The following CYFIP1 variants were observed in gnomAD, a reference collection of about 807,000 sequenced individuals.
The protein encoded by CYFIP1 is cytoplasmic FMR1-interacting protein 1.
CYFIP1 carries 58 observed loss-of-function variants against 163.5 expected under a neutral mutation model. The observed-to-expected ratio is 0.35, with a 90% CI of 0.29 to 0.44. CYFIP1 has a LOEUF of 0.44. Ranked by LOEUF, CYFIP1 falls within the 20% of genes least tolerant of loss-of-function variation. CYFIP1 has a pLI of 1.00. For synonymous variants in CYFIP1, 663 were observed against 660.7 expected, an observed-to-expected ratio of 1.00 and a Z score of -0.05; for missense variants, 1,338 against 1,653.8, an observed-to-expected ratio of 0.81 and a Z score of 3.31.
At chr15:22,946,975 G>A (rs905809903) in intron 3 of CYFIP1, 28 bp downstream of exon 3, 5 of 1,596,924 alleles carry the variant, frequency 3.1e-6, no homozygotes, top group Non-Finnish European at 3.4e-6. Flanking sequence ...TCTCTGCAGA[G>A]AGAAACAAAG....
At chr15:22,881,139 C>G (rs1453883610) in intron 25 of CYFIP1, among the ~76,000 whole-genome samples, 1 of 152,142 alleles carries the variant, frequency 6.6e-6, no homozygotes, top group East Asian at 1.9e-4. Flanking sequence ...GCAAAAAGTC[C>G]TGAGCCACGT....
intron 11 of CYFIP1, among the ~76,000 whole-genome samples, chr15:22,928,542 C>T (rs1022991143): frequency 2.6e-5 from 4 of 152,172 alleles, no homozygotes; most frequent in South Asian, 2.1e-4. Flanking sequence ...CCACAGCCAC[C>T]GCCTGGGGGA....
At position 22,875,291 on chromosome 15, in the gene CYFIP1, G is replaced by GGT; in HGVS notation, c.3043-22_3043-21dup. 4.3e-6 allele frequency: 7 copies of GGT among 1,610,276 alleles called. No homozygotes were observed. Among genetic ancestry groups the GGT allele is most frequent in the Non-Finnish European group, 5.9e-6 (7 of 1,176,544 alleles). ...TAAAGACTAGAGCAGAGAAAGAGAGGGTCAAGCTAGGAAGGGTATCTCGCC... is the reference window on the plus strand; with the variant it reads ...TAAAGACTAGAGCAGAGAAAGAGAGGGTGTCAAGCTAGGAAGGGTATCTCGCC... On this transcript the variant is annotated intron_variant, in intron 26 of 30. Transcript: ENST00000617928.
Position 22,917,793 on chromosome 15 carries a change from T to A in CYFIP1, c.1669A>T (p.Thr557Ser). 6.2e-7 allele frequency: 1 copy of A among 1,606,528 alleles called. No individual in the cohort carries two copies. The highest frequency in any genetic ancestry group is 8.5e-7 in the Non-Finnish European group (1 of 1,176,544). The change falls in exon 15 of 31, where the codon ACT becomes TCT. Residue 557 changes from threonine to serine, a missense_variant. This residue lies in a region of CYFIP1 where 824 missense variants were observed against 995.7 expected (regional missense o/e 0.83). Coordinates refer to ENST00000617928, the MANE Select transcript of CYFIP1 (RefSeq NM_014608.6). The surrounding 1 kb of genome is among the most constrained non-coding windows in gnomAD (Gnocchi z 4.2). The part of the protein sequence containing the change: ...VPRRAVGPSS[T>S]QLYMVRTMLE... ...GGGGCTCAAGGGACGAGAACCTGAG[T>A]GCTGGAGGGTCCCACGGCGCGGCGT...
At chr15:22,909,819 T>G (rs1048525410) in intron 20 of CYFIP1, among the ~76,000 whole-genome samples, 2 of 152,200 alleles carry the variant, frequency 1.3e-5, no homozygotes, top group African/African-American at 4.8e-5. Flanking sequence ...AATGTGAATC[T>G]TTTTTTAAAA....
intron 16 of CYFIP1, 76 bp from the exon 17 acceptor site, chr15:22,914,958 G>A (rs1662146998): frequency 1.4e-6 from 2 of 1,459,778 alleles, no homozygotes; most frequent in East Asian, 4.7e-5. Flanking sequence ...CACAAGGGCT[G>A]TGTGCTGGGT....
chr15:22,905,910 G>T (rs11857676), intron 21 of CYFIP1, among the ~76,000 whole-genome samples: 4,425 of 149,136 alleles, frequency 0.03, 205 homozygotes, highest in African/African-American at 0.1. Context: ...ACAGGTGCCC[G>T]CCACCACACC....
intron 9 of CYFIP1, among the ~76,000 whole-genome samples, chr15:22,935,635 G>A (rs1439011277): frequency 6.6e-6 from 1 of 152,074 alleles, no homozygotes; most frequent in Non-Finnish European, 1.5e-5. Flanking sequence ...GCAGGAGGAG[G>A]AAGGGAATAT....
intron 21 of CYFIP1, 51 bp downstream of exon 21, chr15:22,909,143 T>G: frequency 6.3e-7 from 1 of 1,596,444 alleles, no homozygotes; most frequent in Non-Finnish European, 8.6e-7. Context: ...ATACAAGAAC[T>G]GGACCTACCC....
At chr15:22,979,814 C>G (rs938634688) in intron 1 of CYFIP1, among the ~76,000 whole-genome samples, 2 of 152,168 alleles carry the variant, frequency 1.3e-5, no homozygotes, top group African/African-American at 2.4e-5. Flanking sequence ...CACAGGGGCA[C>G]GAAACAAAAA....
rs188270742 is a variant in CYFIP1 at position 22,889,497 on chromosome 15, A to G, written c.2676+3393T>C. Among the ~76,000 whole-genome samples the G allele has an allele frequency of 2.0e-5, 3 of 152,350 alleles. No homozygotes were observed. The East Asian group carries it at 5.8e-4, about 29-fold the overall frequency. ...GCCTTTAACACCACAAAGGGCACAC[A>G]GACACACTGGGCAGCAAAGATGTCA... On this transcript the variant is annotated intron_variant, in intron 23 of 30. Coordinates refer to ENST00000617928, the MANE Select transcript of CYFIP1 (RefSeq NM_014608.6).
intron 1 of CYFIP1, among the ~76,000 whole-genome samples, chr15:22,949,277 C>T (rs767628214): frequency 2.2e-4 from 18 of 81,446 alleles, no homozygotes; most frequent in Non-Finnish European, 3.9e-4. Flanking sequence ...AAGCCTAAAG[C>T]GGGGACCAGG....
In CYFIP1 at chr15:22,892,935, T is replaced by G. The variant is rs1422047187; in HGVS notation, c.2631A>C (p.Arg877Ser). Residue 877 changes from arginine to serine, a missense_variant, in exon 23 of 31, where the codon AGA (arginine) becomes AGC (serine). Physicochemically the swap from Arg to Ser is moderately radical, Grantham distance 110. Coordinates refer to ENST00000617928, the MANE Select transcript of CYFIP1 (RefSeq NM_014608.6). ...TVLPFSQEFQ[R>S]DKQPNAQPQY... ...GAGGCTGTGCATTAGGCTGCTTATC[T>G]CTTTGAAATTCCTGAGAAAATGGTA... The G allele has an allele frequency of 6.2e-7, 1 of 1,613,696 alleles. No individual in the cohort carries two copies. Among genetic ancestry groups the G allele is most frequent in the Non-Finnish European group, 8.5e-7 (1 of 1,179,798 alleles).
At chr15:22,969,515 C>T (rs978186928) in intron 1 of CYFIP1, among the ~76,000 whole-genome samples, 2 of 152,192 alleles carry the variant, frequency 1.3e-5, no homozygotes, top group African/African-American at 4.8e-5. Flanking sequence ...AAATGCAAAT[C>T]TTGTCCCTGG....
At position 22,947,226 on chromosome 15, in the gene CYFIP1, C is replaced by G. The variant is rs1392377711; in HGVS notation, c.60G>C (p.Leu20=). The change falls in exon 2 of 31, where the codon CTG becomes CTC. Residue 20 remains leucine, a synonymous_variant. Coordinates refer to ENST00000617928, the MANE Select transcript of CYFIP1 (RefSeq NM_014608.6). ...ALSNVDLLEE[L]PLPDQQPCIE... is the part of the protein sequence containing the mutation. Reference sequence around the variant, plus strand: ...TGCAGGGCTGCTGGTCGGGCAGGGGCAGCTCCTCCAGGAGGTCCACGTTGG... The same window carrying G: ...TGCAGGGCTGCTGGTCGGGCAGGGGGAGCTCCTCCAGGAGGTCCACGTTGG... 1.2e-6 allele frequency: 2 copies of G among 1,613,924 alleles called. No homozygotes were observed. Among genetic ancestry groups the G allele is most frequent in the African/African-American group, 2.7e-5 (2 of 75,030 alleles).
At position 22,921,642 on chromosome 15, in the gene CYFIP1, C is replaced by A. The variant is rs542031572; in HGVS notation, c.1360-2784G>T. On this transcript the variant is annotated intron_variant, in intron 13 of 30. Coordinates refer to ENST00000617928, the MANE Select transcript of CYFIP1 (RefSeq NM_014608.6). The stretch of plus-strand genomic sequence containing the variant: ...ACCAGCCAGGCCAACATTGGTGAAA[C>A]CCTGTATCTACTAAAAATACAAAAA... Among the ~76,000 whole-genome samples the A allele has an allele frequency of 2.0e-5, 3 of 151,404 alleles. No homozygotes were observed. The South Asian group carries it at 6.3e-4, about 32-fold the overall frequency.
At chr15:22,909,814 G>GT (rs2060722125) in intron 20 of CYFIP1, among the ~76,000 whole-genome samples, 1 of 152,040 alleles carries the variant, frequency 6.6e-6, no homozygotes, top group Non-Finnish European at 1.5e-5. Context: ...CATGCAATGT[G>GT]AATCTTTTTT....
At chr15:22,974,381 A>T (rs2063198000) in intron 1 of CYFIP1, among the ~76,000 whole-genome samples, 1 of 152,136 alleles carries the variant, frequency 6.6e-6, no homozygotes, top group Non-Finnish European at 1.5e-5. Flanking sequence ...GTTCAAGACC[A>T]GCCTGGGCAA....
At chr15:22,879,662 CATAAT>C (rs1163750004) in intron 26 of CYFIP1, among the ~76,000 whole-genome samples, 2 of 151,896 alleles carry the variant, frequency 1.3e-5, no homozygotes, top group Non-Finnish European at 2.9e-5. Flanking sequence ...GAAAACATCA[CATAAT>C]ATAACAGTTT....
Sources: gnomAD v4.1 joint callset for allele counts (sites outside exome capture counted in the v4.1 genomes callset) on GRCh38, gnomAD v4.1.1 for gene constraint, gnomAD v4.1.1 regional missense constraint, Gnocchi (gnomAD v3.1) non-coding constraint, MANE v1.5 for transcripts, NCBI Gene and HGNC (gene_info 2026-07-23, HGNC 2026-07-21) for gene names.